ADGRB1: variants seen among roughly 807,000 people sequenced by gnomAD.
ADGRB1 encodes the protein adhesion G protein-coupled receptor B1, also known as brain-specific angiogenesis inhibitor 1.
A neutral mutation model predicts 175.7 loss-of-function variants in ADGRB1; 36 were observed. The observed-to-expected ratio is 0.20, with a 90% CI of 0.16 to 0.27. ADGRB1 has a LOEUF of 0.27. Ranked by LOEUF, ADGRB1 falls within the 10% of genes least tolerant of loss-of-function variation. ADGRB1 has a pLI of 1.00. For synonymous variants in ADGRB1, 1,054 were observed against 979.4 expected, an observed-to-expected ratio of 1.08 and a Z score of -1.42; for missense variants, 1,731 against 2,255.3, an observed-to-expected ratio of 0.77 and a Z score of 4.71.
Position 142,498,162 on chromosome 8 carries a change from C to T in ADGRB1, c.2675+7347C>T, listed in dbSNP as rs372716410. ...CTCTGCCCACTGCCCTGCCCCCCTA[C>T]CCCTGTCTCTTTCTTCCTGGCAGCG... On this transcript the variant is annotated intron_variant, in intron 17 of 30. Transcript: ENST00000517894. 2.0e-5 allele frequency among the ~76,000 whole-genome samples: 3 copies of T among 152,282 alleles called. No homozygotes were observed. In the East Asian group the frequency reaches 5.8e-4, roughly 29 times the overall value.
chr8:142,468,941 C>T (rs1214986832), intron 2 of ADGRB1, among the ~76,000 whole-genome samples: 3 of 152,250 alleles, frequency 2.0e-5, no homozygotes, highest in African/African-American at 7.2e-5. Context: ...TGCCCCCCAA[C>T]GTGTAGAACA....
chr8:142,467,673 A>G (rs1042854107), intron 2 of ADGRB1, among the ~76,000 whole-genome samples: 1 of 152,198 alleles, frequency 6.6e-6, no homozygotes, highest in African/African-American at 2.4e-5. Context: ...GCTTGAAAAT[A>G]GCTTCTGAGC....
chr8:142,482,317 G>A (rs1841398590), intron 11 of ADGRB1, among the ~76,000 whole-genome samples: 1 of 141,542 alleles, frequency 7.1e-6, no homozygotes, highest in Non-Finnish European at 1.5e-5. Flanking sequence ...CCTGATCCTG[G>A]TCACATTCTG....
At chr8:142,482,151 C>G (rs1277678971) in intron 11 of ADGRB1, among the ~76,000 whole-genome samples, 1 of 148,066 alleles carries the variant, frequency 6.8e-6, no homozygotes, top group Non-Finnish European at 1.5e-5. Flanking sequence ...GAGCCCTGAT[C>G]CTGATCATAC....
intron 19 of ADGRB1, among the ~76,000 whole-genome samples, chr8:142,518,579 C>A (rs1843586636): frequency 6.6e-6 from 1 of 152,226 alleles, no homozygotes; most frequent in Non-Finnish European, 1.5e-5. Context: ...TCCCCGGACC[C>A]CCAGTCAGGC....
intron 8 of ADGRB1, 61 bp from the exon 9 acceptor site, chr8:142,479,632 C>A: frequency 6.8e-7 from 1 of 1,481,106 alleles, no homozygotes; most frequent in Non-Finnish European, 9.0e-7. Context: ...TTGCACCTTC[C>A]AGAGCCAGCT....
At chr8:142,473,267 C>T (rs551489779) in intron 2 of ADGRB1, among the ~76,000 whole-genome samples, 1 of 152,240 alleles carries the variant, frequency 6.6e-6, no homozygotes, top group Non-Finnish European at 1.5e-5. Flanking sequence ...AGGGGGGTGC[C>T]GCAGGACGTG....
At chr8:142,526,503 G>GGCCCCCCCCCCCCCCCC in intron 23 of ADGRB1, 39 bp from the exon 24 acceptor site, 10 of 1,259,252 alleles carry the variant, frequency 7.9e-6, no homozygotes, top group Non-Finnish European at 7.9e-6. Context: ...GCCTACGGCG[G>GGCCCCCCCCCCCCCCCC]CCCCCACCCC....
chr8:142,528,567 G>A (rs979689025), intron 24 of ADGRB1, among the ~76,000 whole-genome samples: 1 of 151,832 alleles, frequency 6.6e-6, no homozygotes, highest in African/African-American at 2.4e-5. Context: ...GCACCCCCTC[G>A]GGCGCGCCCT....
Position 142,504,366 on chromosome 8 carries a change from C to T in ADGRB1, c.2676-6566C>T, listed in dbSNP as rs371443449. ...ACCAGGGCCTGGAGGCAGCAGAGGG[C>T]GTGTGTTTGCTGGGTTACCTGCTGG... On this transcript the variant is annotated intron_variant, in intron 17 of 30. Transcript: ENST00000517894. The surrounding 1 kb of genome is among the most constrained non-coding windows in gnomAD (Gnocchi z 5.6). 3.3e-5 allele frequency among the ~76,000 whole-genome samples: 5 copies of T among 152,286 alleles called. No homozygotes were observed. Among genetic ancestry groups the T allele is most frequent in the African/African-American group, 1.2e-4 (5 of 41,566 alleles).
In ADGRB1 at chr8:142,544,726, G is replaced by A. The variant is rs535725903; in HGVS notation, c.*309G>A. On this transcript the variant is annotated 3_prime_UTR_variant, in exon 31 of 31. Transcript: ENST00000517894. ...TGTGGACCGTGGACAGGCCCAGCGC[G>A]GCCAGCGTCCCAGGGTACCCGCCTG... 3.8e-5 allele frequency: 9 copies of A among 237,142 alleles called. No homozygotes were observed. Among genetic ancestry groups the A allele is most frequent in the African/African-American group, 6.8e-5 (3 of 44,268 alleles). The allele number at this position is 237,142 out of a possible 1,614,324, so 14.7% of individuals were successfully genotyped here.
In ADGRB1 at chr8:142,543,817, T is replaced by G; in HGVS notation, c.4557+109T>G. 9.1e-7 allele frequency: 1 copy of G among 1,101,464 alleles called. No homozygotes were observed. The highest frequency in any genetic ancestry group is 1.4e-5 in the South Asian group (1 of 70,986). 68.2% of individuals were successfully genotyped at this position (1,101,464 alleles called of 1,614,324 possible). On this transcript the variant is annotated intron_variant, in intron 30 of 30. Coordinates refer to ENST00000517894, the MANE Select transcript of ADGRB1 (RefSeq NM_001702.3). This position sits in a 1 kb window ranked among gnomAD's most constrained non-coding sequence, Gnocchi z 4.4. The stretch of plus-strand genomic sequence containing the variant: ...ATCCATCCATCCATCCATCCATCCA[T>G]TCGTTCATTCATTCATTCATTCGCC...
At chr8:142,450,933 C>A (rs995476345) in intron 1 of ADGRB1, among the ~76,000 whole-genome samples, 7 of 152,140 alleles carry the variant, frequency 4.6e-5, no homozygotes, top group African/African-American at 1.7e-4. Context: ...GCCGAGCACT[C>A]CCGGGCGCCG....
At position 142,479,392 on chromosome 8, in the gene ADGRB1, G is replaced by A. The variant is rs924500106; in HGVS notation, c.1631G>A (p.Arg544Gln). The A allele has an allele frequency of 5.9e-6, 9 of 1,531,864 alleles. No homozygotes were observed. The highest frequency in any genetic ancestry group is 2.3e-5 in the Admixed American group (1 of 43,468). 94.9% of individuals were successfully genotyped at this position (1,531,864 alleles called of 1,614,324 possible). A position where few individuals can be genotyped will look rare whatever the true frequency, so the allele number is the denominator to read the frequency against. Reference sequence around the variant, plus strand: ...GTCACGTGTGGGGCTGGCAGCCAGCGACGGGAGCGTGTCTGCTCTGGGCCC... The same window carrying A: ...GTCACGTGTGGGGCTGGCAGCCAGCAACGGGAGCGTGTCTGCTCTGGGCCC... ...CSVTCGAGSQRRERVCSGPFF... is the reference protein window; with the variant it reads ...CSVTCGAGSQQRERVCSGPFF... The change falls in exon 8 of 31, where the codon CGA becomes CAA. Residue 544 changes from arginine to glutamine, a missense_variant. Physicochemically the swap from Arg to Gln is conservative, Grantham distance 43. Coordinates refer to ENST00000517894, the MANE Select transcript of ADGRB1 (RefSeq NM_001702.3).
chr8:142,467,370 G>A lies in ADGRB1; in HGVS notation c.784+2388G>A, dbSNP rs546547725. Among the ~76,000 whole-genome samples the A allele has an allele frequency of 2.3e-3, 354 of 152,328 alleles. 2 individuals are homozygous for A. The highest frequency in any genetic ancestry group is 3.5e-3 in the Non-Finnish European group (235 of 68,024). ...GGACTGCCACTGGCCTGGTCAGGAC[G>A]CTGCAGCAGCAGTGGGAGGGAAGAG... On this transcript the variant is annotated intron_variant, in intron 2 of 30. Coordinates refer to ENST00000517894, the MANE Select transcript of ADGRB1 (RefSeq NM_001702.3).
In ADGRB1 at chr8:142,493,374, C is replaced by T. The variant is rs868783433; in HGVS notation, c.2675+2559C>T. Among the ~76,000 whole-genome samples the T allele has an allele frequency of 4.6e-5, 7 of 152,160 alleles. No individual in the cohort carries two copies. Among genetic ancestry groups the T allele is most frequent in the Middle Eastern group, 3.4e-3 (1 of 294 alleles). On this transcript the variant is annotated intron_variant, in intron 17 of 30. Coordinates refer to ENST00000517894, the MANE Select transcript of ADGRB1 (RefSeq NM_001702.3). This position sits in a 1 kb window ranked among gnomAD's most constrained non-coding sequence, Gnocchi z 5.0. ...GGCAGGGGCGGGGGCAGCAGGACGG[C>T]GGTCAAGTCCCCAGGGTGTTTGGCG...
In ADGRB1 at chr8:142,481,576, C is replaced by T; in HGVS notation, c.1995C>T (p.Val665=). The change falls in exon 11 of 31, where the codon GTC becomes GTT. Residue 665 remains valine (V), a synonymous_variant. Transcript: ENST00000517894. The stretch of plus-strand genomic sequence containing the variant: ...TGCCTGGGGAGGGGGTCTCGGAGGT[C>T]ATCCAGACACTGGTGGAGATCTCTC... ...RGLPGEGVSE[V]IQTLVEISQD... is the part of the protein sequence containing the mutation. 1 of 1,601,572 alleles carries T rather than the reference C, an allele frequency of 6.2e-7. No homozygotes were observed. Among genetic ancestry groups the T allele is most frequent in the Non-Finnish European group, 8.5e-7 (1 of 1,174,310 alleles).
chr8:142,528,875 G>T (rs1844408877), intron 24 of ADGRB1, among the ~76,000 whole-genome samples: 1 of 152,254 alleles, frequency 6.6e-6, no homozygotes, highest in African/African-American at 2.4e-5. Context: ...GCAGGGCGTG[G>T]GGCCGGGCCT....
chr8:142,466,960 C>A (rs1224482728), intron 2 of ADGRB1, among the ~76,000 whole-genome samples: 1 of 152,228 alleles, frequency 6.6e-6, no homozygotes, highest in Non-Finnish European at 1.5e-5. Flanking sequence ...AAGATTACAC[C>A]CACTACTGAA....
Sources: gnomAD v4.1 joint callset for allele counts (sites outside exome capture counted in the v4.1 genomes callset) on GRCh38, gnomAD v4.1.1 for gene constraint, Gnocchi (gnomAD v3.1) non-coding constraint, MANE v1.5 for transcripts, NCBI Gene and HGNC (gene_info 2026-07-23, HGNC 2026-07-21) for gene names.